CCDC7: variants seen among roughly 807,000 people sequenced by gnomAD.
CCDC7 encodes the protein coiled-coil domain containing 7, also known as coiled-coil domain-containing protein 7.
Under a neutral mutation model 196.9 loss-of-function variants are expected in CCDC7, and 183 were observed. The observed-to-expected ratio is 0.93, with a 90% CI of 0.82 to 1.05. The LOEUF (loss-of-function observed/expected upper bound fraction) is 1.05, where lower values mean the gene tolerates loss of function less well. CCDC7 is among the 50% of genes least tolerant of loss of function. The pLI is 0.00. For synonymous variants in CCDC7, 525 were observed against 484.6 expected (o/e 1.08, Z -1.10); for missense variants, 1,540 against 1,482.2 (o/e 1.04, Z -0.64).
At chr10:32,784,342 A>G (rs1251885196) in intron 29 of CCDC7, among the ~76,000 whole-genome samples, 1 of 152,094 alleles carries the variant, frequency 6.6e-6, no homozygotes, top group African/African-American at 2.4e-5. Flanking sequence ...TAAGCCTGGC[A>G]TGCATTAGCT....
At chr10:32,711,770 T>C in intron 25 of CCDC7, 40 bp downstream of exon 26, 1 of 1,264,150 alleles carries the variant, frequency 7.9e-7, no homozygotes, top group Non-Finnish European at 1.1e-6. Flanking sequence ...TTATTTTAAG[T>C]AAATCTCAAA....
chr10:32,880,130 G>C (rs2094735822), downstream of CCDC7, among the ~76,000 whole-genome samples: 1 of 152,166 alleles, frequency 6.6e-6, no homozygotes, highest in Non-Finnish European at 1.5e-5. Context: ...TGGCCACACT[G>C]TCTTCCACAA....
intron 16 of CCDC7, among the ~76,000 whole-genome samples, chr10:32,577,145 C>T (rs186421499): frequency 2.6e-4 from 40 of 152,088 alleles, no homozygotes; most frequent in Non-Finnish European, 4.7e-4. Flanking sequence ...AGGCAGATCA[C>T]GAGGTCAAGA....
At chr10:32,485,556 T>C (rs1024364542) in intron 8 of CCDC7, among the ~76,000 whole-genome samples, 2 of 152,220 alleles carry the variant, frequency 1.3e-5, no homozygotes, top group African/African-American at 4.8e-5. Context: ...GTGTTTGCTC[T>C]TGCTTCTCTA....
intron 20 of CCDC7, among the ~76,000 whole-genome samples, chr10:32,647,640 T>C (rs1197339045): frequency 1.3e-5 from 2 of 152,160 alleles, no homozygotes; most frequent in Non-Finnish European, 2.9e-5. Context: ...CTTTTTTTGA[T>C]AAGTGTCTGT....
At chr10:32,475,139 T>C (rs1319005429) in intron 8 of CCDC7, among the ~76,000 whole-genome samples, 1 of 152,170 alleles carries the variant, frequency 6.6e-6, no homozygotes, top group Non-Finnish European at 1.5e-5. Context: ...CTCTCTCTTT[T>C]TCTCTCTCTC....
intron 24 of CCDC7, among the ~76,000 whole-genome samples, chr10:32,706,015 T>A (rs1247264078): frequency 7.2e-5 from 11 of 152,054 alleles, no homozygotes; most frequent in Non-Finnish European, 1.3e-4. Flanking sequence ...ACAGAATATG[T>A]ATTCTTCTCA....
intron 9 of CCDC7, among the ~76,000 whole-genome samples, chr10:32,497,651 C>T (rs2043127138): frequency 6.6e-6 from 1 of 152,000 alleles, no homozygotes; most frequent in Non-Finnish European, 1.5e-5. Context: ...CATTATGTAC[C>T]CAGTAGTCAT....
At chr10:32,721,358 C>T (rs933112506) in intron 25 of CCDC7, among the ~76,000 whole-genome samples, 14 of 152,172 alleles carry the variant, frequency 9.2e-5, no homozygotes, top group South Asian at 2.1e-4. Context: ...GTCTTTCTGC[C>T]GTAGGCTCTA....
At chr10:32,480,462 C>T (rs1479396802) in intron 8 of CCDC7, among the ~76,000 whole-genome samples, 2 of 152,104 alleles carry the variant, frequency 1.3e-5, no homozygotes, top group Non-Finnish European at 2.9e-5. Flanking sequence ...GCTGATATTG[C>T]AAGTGTGGGA....
At chr10:32,644,868 T>C (rs1351758199) in intron 20 of CCDC7, among the ~76,000 whole-genome samples, 1 of 152,222 alleles carries the variant, frequency 6.6e-6, no homozygotes, top group East Asian at 1.9e-4. Context: ...CAGTTACAGA[T>C]CTGTCTTTAT....
intron 20 of CCDC7, among the ~76,000 whole-genome samples, chr10:32,650,173 G>A (rs541541279): frequency 6.6e-6 from 1 of 152,316 alleles, no homozygotes; most frequent in South Asian, 2.1e-4. Context: ...ATTGAGCATA[G>A]TCCATTGGCT....
chr10:32,689,065 A>C (rs2076779246), exon 23 of CCDC7: 1 of 1,592,662 alleles, frequency 6.3e-7, no homozygotes, highest in Admixed American at 1.7e-5. Flanking sequence ...CCTGATAAAG[A>C]ACCAAATGAA....
chr10:32,845,815 A>C, intron 35 of CCDC7, 61 bp from the exon 37 acceptor site: 2 of 1,319,950 alleles, frequency 1.5e-6, no homozygotes, highest in Non-Finnish European at 2.2e-6. Flanking sequence ...ACACAGATAC[A>C]CACAGAGGTA....
chr10:32,668,713 G>T (rs953737583), intron 21 of CCDC7, among the ~76,000 whole-genome samples: 2 of 152,112 alleles, frequency 1.3e-5, no homozygotes, highest in Non-Finnish European at 2.9e-5. Context: ...GCATCCCAGG[G>T]ATGAAGCCCA....
chr10:32,819,961 A>G lies in CCDC7; in HGVS notation c.3182-4557A>G, dbSNP rs376348146. On this transcript the variant is annotated intron_variant, in intron 31 of 41. Transcript: ENST00000639629. ...ATTCAACATAGTGTTGGAAGTTCTG[A>G]CCAGGGCAATCAGGCAGGAGAAGGA... Among the ~76,000 whole-genome samples, 1,087 of 152,212 alleles carry G rather than the reference A, an allele frequency of 7.1e-3. 15 individuals are homozygous for G. The highest frequency in any genetic ancestry group is 0.022 in the Admixed American group (338 of 15,284).
intron 29 of CCDC7, among the ~76,000 whole-genome samples, chr10:32,783,827 G>A (rs970592134): frequency 2.0e-5 from 3 of 152,204 alleles, no homozygotes; most frequent in African/African-American, 4.8e-5. Flanking sequence ...AATGAATCAT[G>A]TTCTGAAACA....
At chr10:32,498,381 A>G (rs944431302) in intron 9 of CCDC7, among the ~76,000 whole-genome samples, 2 of 152,118 alleles carry the variant, frequency 1.3e-5, no homozygotes, top group Non-Finnish European at 2.9e-5. Context: ...GCTAATTTAC[A>G]TTTAAGGTTA....
chr10:32,858,651 T>C (rs934607352), intron 41 of CCDC7, among the ~76,000 whole-genome samples: 1 of 152,014 alleles, frequency 6.6e-6, no homozygotes, highest in African/African-American at 2.4e-5. Context: ...AAAGTTTTAA[T>C]AGTATAGGTA....
Sources: gnomAD v4.1 joint callset for allele counts (sites outside exome capture counted in the v4.1 genomes callset) on GRCh38, gnomAD v4.1.1 for gene constraint, MANE v1.5 for transcripts, NCBI Gene and HGNC (gene_info 2026-07-23, HGNC 2026-07-21) for gene names.